SAMD12: variants seen among roughly 807,000 people sequenced by gnomAD.
SAMD12 encodes sterile alpha motif domain containing 12.
A neutral mutation model predicts 15.0 loss-of-function variants in SAMD12; 9 were observed. The observed-to-expected ratio is 0.60, with a 90% CI of 0.36 to 1.05. The LOEUF is 1.05. Among genes scored for constraint, SAMD12 ranks in the 50% least tolerant of loss-of-function variants. The probability of loss-of-function intolerance (pLI) is 0.01; values close to 1 mark genes in which losing one functional copy is unlikely to be tolerated. For synonymous variants in SAMD12, 86 were observed against 90.1 expected (o/e 0.96, Z 0.25); for missense variants, 230 against 234.2 (o/e 0.98, Z 0.12).
At chr8:118,390,011 T>C (rs929022001) in intron 3 of SAMD12, among the ~76,000 whole-genome samples, 3 of 152,032 alleles carry the variant, frequency 2.0e-5, no homozygotes, top group Non-Finnish European at 1.5e-5. Flanking sequence ...CTTTCAAATT[T>C]AACTTTTTTT....
At chr8:118,569,744 C>A (rs1586826015) in intron 2 of SAMD12, among the ~76,000 whole-genome samples, 1 of 152,192 alleles carries the variant, frequency 6.6e-6, no homozygotes, top group Non-Finnish European at 1.5e-5. Flanking sequence ...CTCATTGGAA[C>A]TGACTCAGCT....
At chr8:118,235,272 G>A (rs1305316013) in intron 4 of SAMD12, among the ~76,000 whole-genome samples, 12 of 151,122 alleles carry the variant, frequency 7.9e-5, no homozygotes, top group Admixed American at 1.3e-4. Flanking sequence ...GTGCAGTGGC[G>A]TGATCTCAGC....
chr8:118,508,797 G>C (rs1824994817), intron 2 of SAMD12, among the ~76,000 whole-genome samples: 1 of 152,172 alleles, frequency 6.6e-6, no homozygotes, highest in Non-Finnish European at 1.5e-5. Flanking sequence ...CAGAGGTGGA[G>C]ATATGAAAAG....
chr8:118,467,197 C>A (rs1214541298), intron 2 of SAMD12, among the ~76,000 whole-genome samples: 1 of 152,120 alleles, frequency 6.6e-6, no homozygotes, highest in Non-Finnish European at 1.5e-5. Context: ...CCCCCTTGGA[C>A]CCTCATGACC....
At chr8:118,183,991 C>T in the SAMD12 span, among the ~76,000 whole-genome samples, 1 of 152,064 alleles carries the variant, frequency 6.6e-6, no homozygotes, top group African/African-American at 2.4e-5. Flanking sequence ...TAATATCCAA[C>T]AGAATATTGT....
chr8:118,168,807 C>A, the SAMD12 span, among the ~76,000 whole-genome samples: 1 of 151,806 alleles, frequency 6.6e-6, no homozygotes, highest in East Asian at 1.9e-4. Context: ...CAATTGCATA[C>A]GAGTTGTGGA....
intron 4 of SAMD12, among the ~76,000 whole-genome samples, chr8:118,346,767 G>A (rs1034696898): frequency 3.3e-5 from 5 of 152,362 alleles, no homozygotes; most frequent in Non-Finnish European, 7.3e-5. Context: ...ACAGAGTCCA[G>A]AGAAAATCAG....
chr8:118,432,625 C>T (rs1468921156), intron 3 of SAMD12, among the ~76,000 whole-genome samples: 1 of 152,092 alleles, frequency 6.6e-6, no homozygotes, highest in African/African-American at 2.4e-5. Flanking sequence ...ATCCTAGGAA[C>T]TAGAGATGAG....
At position 118,392,122 on chromosome 8, in the gene SAMD12, G is replaced by A. The variant is rs73327539; in HGVS notation, c.323-12422C>T. Among the ~76,000 whole-genome samples the A allele has an allele frequency of 2.6e-5, 4 of 152,238 alleles. No homozygotes were observed. In the East Asian group the frequency reaches 5.8e-4, roughly 22 times the overall value. On this transcript the variant is annotated intron_variant, in intron 3 of 3. Coordinates refer to ENST00000314727, the MANE Select transcript of SAMD12 (RefSeq NM_207506.3). ...GTTGTGCTGAGTAACTACTCACAGC[G>A]GTAAGCACAATAAAAAGTACTGTTG...
Position 118,325,536 on chromosome 8 carries a change from A to C in SAMD12, c.433+54024T>G, listed in dbSNP as rs1816525629. ...GTAAAATGCTTGCCACAATCAAATT[A>C]ATTAGCATATCTATCAACTCACACA... On this transcript the variant is annotated intron_variant, in intron 4 of 4. Transcript: ENST00000409003. Among the ~76,000 whole-genome samples the C allele has an allele frequency of 3.3e-5, 5 of 152,352 alleles. No homozygotes were observed. The South Asian group carries it at 1.0e-3, about 32-fold the overall frequency.
intron 1 of SAMD12, among the ~76,000 whole-genome samples, chr8:118,605,409 T>G (rs1827961028): frequency 6.6e-6 from 1 of 152,212 alleles, no homozygotes. Flanking sequence ...TTACTCCAGG[T>G]ACAGCTAGTC....
chr8:118,522,835 C>T (rs1211702178), intron 2 of SAMD12, among the ~76,000 whole-genome samples: 1 of 151,850 alleles, frequency 6.6e-6, no homozygotes, highest in East Asian at 1.9e-4. Flanking sequence ...AAACAAATAG[C>T]CATAAGAAGG....
chr8:118,576,907 C>A (rs1048339644), intron 2 of SAMD12, among the ~76,000 whole-genome samples: 7 of 152,174 alleles, frequency 4.6e-5, no homozygotes, highest in African/African-American at 1.7e-4. Context: ...AACTTCTGGA[C>A]CTCCCAATGC....
At chr8:118,308,620 A>G (rs576592697) in intron 4 of SAMD12, among the ~76,000 whole-genome samples, 4 of 152,372 alleles carry the variant, frequency 2.6e-5, no homozygotes, top group African/African-American at 9.6e-5. Flanking sequence ...ATTCTTGAAA[A>G]TAAAGATGTC....
At chr8:118,181,991 T>C in the SAMD12 span, among the ~76,000 whole-genome samples, 13 of 152,232 alleles carry the variant, frequency 8.5e-5, no homozygotes, top group African/African-American at 2.7e-4. Context: ...GCTCATAAAC[T>C]GAGACCACAT....
intron 2 of SAMD12, among the ~76,000 whole-genome samples, chr8:118,531,125 C>G (rs1223491238): frequency 1.3e-5 from 2 of 152,196 alleles, no homozygotes; most frequent in African/African-American, 2.4e-5. Context: ...AGGAAGGGAT[C>G]CAGTTTCAGC....
At chr8:118,559,265 C>G (rs1007388959) in intron 2 of SAMD12, among the ~76,000 whole-genome samples, 1 of 152,176 alleles carries the variant, frequency 6.6e-6, no homozygotes, top group African/African-American at 2.4e-5. Flanking sequence ...TTTTGCTTTC[C>G]TGTACTCAAG....
intron 2 of SAMD12, among the ~76,000 whole-genome samples, chr8:118,482,220 T>C (rs1824146243): frequency 6.6e-6 from 1 of 152,228 alleles, no homozygotes; most frequent in Non-Finnish European, 1.5e-5. Context: ...GGTCAGACCC[T>C]TGATATAAGA....
At chr8:118,286,255 A>T (rs1199043774) in intron 4 of SAMD12, among the ~76,000 whole-genome samples, 1 of 152,052 alleles carries the variant, frequency 6.6e-6, no homozygotes, top group Admixed American at 6.5e-5. Context: ...AACATGGCAC[A>T]TGTATACATA....
Sources: gnomAD v4.1 joint callset for allele counts (sites outside exome capture counted in the v4.1 genomes callset) on GRCh38, gnomAD v4.1.1 for gene constraint, MANE v1.5 for transcripts, NCBI Gene and HGNC (gene_info 2026-07-23, HGNC 2026-07-21) for gene names.